The following COPB2 variants were observed in gnomAD, a reference collection of about 807,000 sequenced individuals.
COPB2 encodes the protein coatomer subunit beta'.
Under a neutral mutation model 120.8 loss-of-function variants are expected in COPB2, and 16 were observed. The ratio of observed to expected loss-of-function variants is 0.13; its 90% CI spans 0.09 to 0.20. The LOEUF (loss-of-function observed/expected upper bound fraction) is 0.20. Among genes scored for constraint, COPB2 ranks in the 10% least tolerant of loss-of-function variants. The pLI, the probability that COPB2 is intolerant of heterozygous loss-of-function variation, is 1.00. For missense variants in COPB2, 794 were observed against 1,076.5 expected (o/e 0.74, Z 3.67); for synonymous variants, 332 against 366.3 (o/e 0.91, Z 1.07).
intron 10 of COPB2, among the ~76,000 whole-genome samples, chr3:139,370,286 T>C (rs1203194007): frequency 6.6e-6 from 1 of 152,178 alleles, no homozygotes; most frequent in African/African-American, 2.4e-5. Flanking sequence ...TTTTTTCCTA[T>C]AATGTAAGAG....
At chr3:139,376,895 G>A (rs1349399319) in intron 5 of COPB2, among the ~76,000 whole-genome samples, 2 of 152,096 alleles carry the variant, frequency 1.3e-5, no homozygotes, top group South Asian at 2.1e-4. Flanking sequence ...GGCTACAGGC[G>A]CCTGCCACCA....
At chr3:139,388,557 C>T (rs936110797) in intron 1 of COPB2, among the ~76,000 whole-genome samples, 4 of 151,054 alleles carry the variant, frequency 2.6e-5, no homozygotes, top group Non-Finnish European at 4.4e-5. Context: ...AATTTTTTAA[C>T]TTAAGATGAG....
chr3:139,373,095 G>A (rs967798744), intron 9 of COPB2, 118 bp downstream of exon 9: 67 of 1,002,612 alleles, frequency 6.7e-5, no homozygotes, highest in African/African-American at 9.5e-5. Flanking sequence ...TGAGGCCAGG[G>A]CAAAAGCACA....
At position 139,357,679 on chromosome 3, in the gene COPB2, G is replaced by T; in HGVS notation, c.*184C>A. On this transcript the variant is annotated 3_prime_UTR_variant, in exon 22 of 22. Transcript: ENST00000333188. ...TTTTAGTTAACAAGGAAAACACAGT[G>T]ATTTAAATGCTGCACATAAACTCTT... The T allele has an allele frequency of 2.3e-6, 1 of 430,346 alleles. No homozygotes were observed. Among genetic ancestry groups the T allele is most frequent in the African/African-American group, 2.0e-5 (1 of 48,936 alleles). 26.7% of individuals were successfully genotyped at this position (430,346 alleles called of 1,614,324 possible).
chr3:139,358,120 A>G (rs562128769), intron 21 of COPB2, 80 bp downstream of exon 21: 1 of 1,317,048 alleles, frequency 7.6e-7, no homozygotes, highest in East Asian at 2.3e-5. Flanking sequence ...CACTTAAACC[A>G]CAGAGGCCTA....
intron 7 of COPB2, 188 bp downstream of exon 7, chr3:139,374,299 GAT>G (rs1941678398): frequency 7.6e-6 from 1 of 131,430 alleles, no homozygotes; most frequent in Non-Finnish European, 2.0e-5. Context: ...GAATGATGAC[GAT>G]GATGATGATG....
chr3:139,358,483 C>T, intron 20 of COPB2: 1 of 605,374 alleles, frequency 1.7e-6, no homozygotes, highest in Non-Finnish European at 2.9e-6. Flanking sequence ...TCGAGACCAT[C>T]CTGGCTAATG....
intron 19 of COPB2, 81 bp downstream of exon 19, chr3:139,358,917 C>G: frequency 6.4e-7 from 1 of 1,569,444 alleles, no homozygotes. Flanking sequence ...TAAAAGAAGA[C>G]AGCAGTTCAA....
intron 6 of COPB2, 126 bp from the exon 7 acceptor site, chr3:139,374,714 TATAGAAATTTTTGAAA>T: frequency 1.7e-6 from 1 of 573,930 alleles, no homozygotes; most frequent in African/African-American, 1.9e-5. Context: ...TAATATCCAA[TATAGAAATTTTTGAAA>T]TAGGATGATC....
At chr3:139,388,365 T>C (rs1015357452) in intron 1 of COPB2, 1 of 143,572 alleles carries the variant, frequency 7.0e-6, no homozygotes, top group Non-Finnish European at 1.5e-5. Context: ...CCATATTTTT[T>C]ATAAAACAAA....
intron 5 of COPB2, 71 bp from the exon 6 acceptor site, chr3:139,375,685 C>A: frequency 6.7e-7 from 1 of 1,492,822 alleles, no homozygotes; most frequent in Non-Finnish European, 9.0e-7. Flanking sequence ...CACCATATTT[C>A]TGACACATTA....
intron 5 of COPB2, 98 bp downstream of exon 5, chr3:139,377,943 T>G (rs1241269961): frequency 8.3e-7 from 1 of 1,208,996 alleles, no homozygotes; most frequent in African/African-American, 1.5e-5. Flanking sequence ...GAGGAAAATT[T>G]TTAAGATGGG....
At chr3:139,379,599 G>A (rs963728828) in intron 2 of COPB2, 133 bp from the exon 3 acceptor site, 8 of 661,174 alleles carry the variant, frequency 1.2e-5, no homozygotes, top group African/African-American at 1.9e-5. Flanking sequence ...AAATATAAAA[G>A]CTCAACATTC....
At chr3:139,362,748 T>TA (rs1941448257) in intron 15 of COPB2, among the ~76,000 whole-genome samples, 1 of 152,182 alleles carries the variant, frequency 6.6e-6, no homozygotes, top group East Asian at 1.9e-4. Context: ...ACAGAATTCT[T>TA]ACTGTTTATT....
intron 15 of COPB2, among the ~76,000 whole-genome samples, 165 bp from the exon 16 acceptor site, chr3:139,362,682 T>G (rs1941446830): frequency 6.6e-6 from 1 of 152,072 alleles, no homozygotes; most frequent in African/African-American, 2.4e-5. Context: ...ATGGAATAAT[T>G]AAGGAGTCAT....
Position 139,378,274 on chromosome 3 carries a change from TAAC to T in COPB2, c.356-88_356-86del. 7 of 1,272,740 alleles carry T rather than the reference TAAC, an allele frequency of 5.5e-6. No individual in the cohort carries two copies. The Admixed American group carries it at 1.5e-4, about 28-fold the overall frequency. 78.8% of individuals were successfully genotyped at this position (1,272,740 alleles called of 1,614,324 possible). On this transcript the variant is annotated intron_variant, in intron 4 of 21. Transcript: ENST00000333188. ...ACACAGTCTTTAGAAGAAGCAAACCTAACACAAACCATATAATCCATGACTTAC... is the reference window on the plus strand; with the variant it reads ...ACACAGTCTTTAGAAGAAGCAAACCTACAAACCATATAATCCATGACTTAC...
At chr3:139,389,527 T>C in intron 1 of COPB2, 21 bp downstream of exon 1, 1 of 1,559,978 alleles carries the variant, frequency 6.4e-7, no homozygotes, top group East Asian at 2.4e-5. Context: ...CCCCGCTCCC[T>C]TCTACGGGAT....
At chr3:139,365,724 G>GA (rs533549551) in intron 15 of COPB2, among the ~76,000 whole-genome samples, 33 of 152,048 alleles carry the variant, frequency 2.2e-4, no homozygotes, top group African/African-American at 7.7e-4. Context: ...AGTCCAGGGA[G>GA]AATTAACCAC....
Position 139,379,041 on chromosome 3 carries a change from T to G in COPB2, c.355+6A>C. ...ACGCACATGACCAAAAAAGGTCATC[T>G]CTTACCACTGCTAGTTAGAATGAAA... On this transcript the variant is annotated splice_donor_region_variant and intron_variant, in intron 4 of 21. Transcript: ENST00000333188. 6.3e-7 allele frequency: 1 copy of G among 1,583,736 alleles called. No individual in the cohort carries two copies. Among genetic ancestry groups the G allele is most frequent in the Non-Finnish European group, 8.5e-7 (1 of 1,170,500 alleles).
Sources: allele counts gnomAD v4.1 joint callset (sites outside exome capture counted in the v4.1 genomes callset), GRCh38; gene constraint gnomAD v4.1.1; transcripts MANE v1.5; gene names NCBI Gene and HGNC (gene_info 2026-07-23, HGNC 2026-07-21).